The following MEF2A variants were observed in gnomAD, a reference collection of about 807,000 sequenced individuals.
MEF2A encodes myocyte enhancer factor 2A.
MEF2A carries 28 observed loss-of-function variants against 55.8 expected under a neutral mutation model. The ratio of observed to expected loss-of-function variants is 0.50; its 90% confidence interval spans 0.37 to 0.69. MEF2A has a LOEUF of 0.69. MEF2A is among the 30% of genes least tolerant of loss of function. The pLI, the probability that MEF2A is intolerant of heterozygous loss-of-function variation, is 0.00. For missense variants in MEF2A, 528 were observed against 626.2 expected, an observed-to-expected ratio of 0.84 and a Z score of 1.67; for synonymous variants, 239 against 227.1, an observed-to-expected ratio of 1.05 and a Z score of -0.47.
intron 1 of MEF2A, among the ~76,000 whole-genome samples, chr15:99,578,636 T>TA (rs1203938620): frequency 1.3e-5 from 2 of 152,164 alleles, no homozygotes; most frequent in African/African-American, 4.8e-5. Context: ...AGCTAAGAAA[T>TA]ACGTGTGTAT....
chr15:99,652,424 C>T (rs535642755), intron 4 of MEF2A, among the ~76,000 whole-genome samples: 1 of 152,298 alleles, frequency 6.6e-6, no homozygotes, highest in South Asian at 2.1e-4. Flanking sequence ...GCTGTGCAAC[C>T]TGGTTCCTAA....
intron 1 of MEF2A, among the ~76,000 whole-genome samples, chr15:99,571,645 T>G (rs996993456): frequency 6.6e-6 from 1 of 152,204 alleles, no homozygotes; most frequent in African/African-American, 2.4e-5. Context: ...CTCTTGAGTT[T>G]GATATTCACT....
At chr15:99,610,797 G>C (rs1976980144) in intron 2 of MEF2A, among the ~76,000 whole-genome samples, 1 of 152,184 alleles carries the variant, frequency 6.6e-6, no homozygotes, top group Non-Finnish European at 1.5e-5. Flanking sequence ...AGTACTTAAT[G>C]TAAGAGCTAA....
intron 11 of MEF2A, 27 bp downstream of exon 11, chr15:99,710,787 T>C: frequency 6.3e-7 from 1 of 1,588,022 alleles, no homozygotes; most frequent in Non-Finnish European, 8.6e-7. Flanking sequence ...TTTCCCTGCA[T>C]CTTTACTCCT....
intron 4 of MEF2A, among the ~76,000 whole-genome samples, chr15:99,648,162 T>C (rs756029067): frequency 4.6e-5 from 7 of 152,198 alleles, no homozygotes; most frequent in Non-Finnish European, 8.8e-5. Context: ...AGTTGCCTCA[T>C]TGAAGGATAT....
intron 3 of MEF2A, among the ~76,000 whole-genome samples, chr15:99,642,006 T>C (rs552517790): frequency 6.3e-4 from 96 of 152,360 alleles, no homozygotes; most frequent in Admixed American, 3.6e-3. Context: ...TTTCAGCAAG[T>C]AATGCTTGTT....
At chr15:99,615,868 A>G (rs2040101422) in intron 2 of MEF2A, among the ~76,000 whole-genome samples, 1 of 152,330 alleles carries the variant, frequency 6.6e-6, no homozygotes, top group South Asian at 2.1e-4. Context: ...CCTGTGAAGT[A>G]TGGTTTTTGC....
At chr15:99,640,582 G>A (rs1428113677) in intron 3 of MEF2A, among the ~76,000 whole-genome samples, 14 of 143,612 alleles carry the variant, frequency 9.7e-5, no homozygotes, top group African/African-American at 2.9e-4. Flanking sequence ...TTTGAGACAG[G>A]GTCTTGCTCT....
At position 99,674,381 on chromosome 15, in the gene MEF2A, C is replaced by T. The variant is rs751976825; in HGVS notation, c.391-12C>T. The T allele has an allele frequency of 7.6e-6, 12 of 1,573,464 alleles. No individual in the cohort carries two copies. The highest frequency in any genetic ancestry group is 7.3e-5 in the Admixed American group (4 of 54,598). ...AACCAACAGTTTTTTCCTTCTTTTT[C>T]TTTATTTACAGCCTGGTCTGCCACC... On this transcript the variant is annotated splice_polypyrimidine_tract_variant and intron_variant, in intron 5 of 11. Transcript: ENST00000557942.
chr15:99,578,810 G>A (rs1965105964), intron 1 of MEF2A, among the ~76,000 whole-genome samples: 1 of 152,206 alleles, frequency 6.6e-6, no homozygotes, highest in South Asian at 2.1e-4. Flanking sequence ...CACTGACACA[G>A]TAAAAGAAAG....
At chr15:99,666,809 C>T (rs1006113501) in intron 4 of MEF2A, among the ~76,000 whole-genome samples, 1 of 152,114 alleles carries the variant, frequency 6.6e-6, no homozygotes, top group Non-Finnish European at 1.5e-5. Context: ...CTCCTCTCTT[C>T]CTCCACCAGC....
At chr15:99,707,845 C>G (rs1206870640) in intron 10 of MEF2A, among the ~76,000 whole-genome samples, 5 of 152,058 alleles carry the variant, frequency 3.3e-5, no homozygotes, top group Non-Finnish European at 7.4e-5. Flanking sequence ...CTGTCCGCAG[C>G]TACGTGAGGG....
intron 4 of MEF2A, among the ~76,000 whole-genome samples, chr15:99,664,702 T>C (rs1469767948): frequency 6.6e-6 from 1 of 152,180 alleles, no homozygotes; most frequent in Non-Finnish European, 1.5e-5. Flanking sequence ...GTCGACTAGG[T>C]TGGTAAGTCC....
intron 10 of MEF2A, among the ~76,000 whole-genome samples, 199 bp from the exon 11 acceptor site, chr15:99,710,435 G>A (rs143671136): frequency 1.9e-3 from 285 of 152,284 alleles, no homozygotes; most frequent in Middle Eastern, 0.01. Context: ...CAGATACGGG[G>A]TTTCACCATG....
intron 2 of MEF2A, among the ~76,000 whole-genome samples, chr15:99,602,747 GAGCTTTTC>G: frequency 1.3e-5 from 1 of 75,642 alleles, no homozygotes; most frequent in Non-Finnish European, 2.6e-5. Context: ...TGGGGGTGGG[GAGCTTTTC>G]GTGTGTGTGT....
At position 99,703,448 on chromosome 15, in the gene MEF2A, GTGT is replaced by G. The variant is rs140856759; in HGVS notation, c.882+68_882+70del. 2,295 of 1,524,860 alleles carry G rather than the reference GTGT, an allele frequency of 1.5e-3. 32 individuals carry two copies. In the African/African-American group the frequency reaches 0.028, roughly 18 times the overall value. 94.5% of individuals were successfully genotyped at this position (1,524,860 alleles called of 1,614,324 possible). ...ATGTAGAAAGTACTAATTCTCTTAC[GTGT>G]TGTTATCTAACCAATGTTCCCTTTG... On this transcript the variant is annotated intron_variant, in intron 9 of 11. Coordinates refer to ENST00000557942, the MANE Select transcript of MEF2A (RefSeq NM_001319206.4).
intron 3 of MEF2A, among the ~76,000 whole-genome samples, chr15:99,641,882 C>T (rs767928203): frequency 2.0e-5 from 3 of 152,120 alleles, no homozygotes; most frequent in Non-Finnish European, 4.4e-5. Context: ...TGTTTAGCAC[C>T]GCCTCACTGC....
At chr15:99,568,361 C>T (rs973750798) in intron 1 of MEF2A, among the ~76,000 whole-genome samples, 12 of 151,994 alleles carry the variant, frequency 7.9e-5, no homozygotes, top group Non-Finnish European at 1.8e-4. Context: ...GAAATAATCT[C>T]TTAAAAAGGT....
In MEF2A at chr15:99,571,610, A is replaced by G. The variant is rs559194368; in HGVS notation, c.-225+5506A>G. On this transcript the variant is annotated intron_variant, in intron 1 of 11. Coordinates refer to ENST00000557942, the MANE Select transcript of MEF2A (RefSeq NM_001319206.4). ...ATATGTTTTCATACTGATGACTACT[A>G]CTTTTATTTTCCCAGCCCAGACTTC... Among the ~76,000 whole-genome samples, 4 of 152,236 alleles carry G rather than the reference A, an allele frequency of 2.6e-5. No individual in the cohort carries two copies. The East Asian group carries it at 7.7e-4, about 29-fold the overall frequency.
Sources: allele counts gnomAD v4.1 joint callset (sites outside exome capture counted in the v4.1 genomes callset), GRCh38; gene constraint gnomAD v4.1.1; transcripts MANE v1.5; gene names NCBI Gene and HGNC (gene_info 2026-07-23, HGNC 2026-07-21).